MED27: variants seen among roughly 807,000 people sequenced by gnomAD.
MED27 encodes mediator of RNA polymerase II transcription subunit 27.
MED27 carries 30 observed loss-of-function variants against 38.2 expected under a neutral mutation model. The ratio of observed to expected loss-of-function variants is 0.79; its 90% CI spans 0.59 to 1.07. The LOEUF is 1.07. Ranked by LOEUF, MED27 falls within the 50% of genes least tolerant of loss-of-function variation. The pLI is 0.00. For synonymous variants in MED27, 122 were observed against 153.5 expected (o/e 0.79, Z 1.52); for missense variants, 289 against 397.5 (o/e 0.73, Z 2.32).
At chr9:131,893,325 G>A (rs1839259491) in intron 5 of MED27, among the ~76,000 whole-genome samples, 1 of 152,144 alleles carries the variant, frequency 6.6e-6, no homozygotes, top group Non-Finnish European at 1.5e-5. Context: ...GAGCCATATG[G>A]AGACTGTGCA....
chr9:132,028,038 G>C (rs992978263), intron 2 of MED27, among the ~76,000 whole-genome samples: 13 of 152,114 alleles, frequency 8.5e-5, no homozygotes, highest in African/African-American at 3.1e-4. Flanking sequence ...ACACACAGCC[G>C]GACAACCTAC....
intron 2 of MED27, among the ~76,000 whole-genome samples, chr9:132,056,886 CTGACCG>C (rs1281249928): frequency 6.6e-6 from 1 of 152,196 alleles, no homozygotes; most frequent in Non-Finnish European, 1.5e-5. Flanking sequence ...GCTCATATGG[CTGACCG>C]ACGCTGAGGT....
chr9:131,967,837 G>A (rs1228119814), intron 3 of MED27, among the ~76,000 whole-genome samples: 1 of 57,386 alleles, frequency 1.7e-5, no homozygotes, highest in Non-Finnish European at 3.6e-5. Flanking sequence ...TTTTTTTTTT[G>A]AGACGGAGTC....
At chr9:131,996,862 TTTC>T (rs1655667923) in intron 3 of MED27, among the ~76,000 whole-genome samples, 1 of 152,266 alleles carries the variant, frequency 6.6e-6, no homozygotes, top group South Asian at 2.1e-4. Flanking sequence ...TCCTTATGAT[TTTC>T]TTAATGACAT....
At chr9:131,877,987 T>A (rs1489898303) in intron 6 of MED27, among the ~76,000 whole-genome samples, 1 of 151,988 alleles carries the variant, frequency 6.6e-6, no homozygotes, top group Non-Finnish European at 1.5e-5. Flanking sequence ...TTAAAAAGAA[T>A]GAACAGGCCG....
rs779106544 is a variant in MED27 at position 131,872,454 on chromosome 9, C to A, written c.724-9314G>T. ...AGAAGTTGCTTATTTAAAAGAGAAG[C>A]CTGGTAGGGACCCAGACTGTGGCTT... On this transcript the variant is annotated intron_variant, in intron 6 of 7. Coordinates refer to ENST00000292035, the MANE Select transcript of MED27 (RefSeq NM_004269.4). The surrounding 1 kb of genome is among the most constrained non-coding windows in gnomAD (Gnocchi z 5.6). Among the ~76,000 whole-genome samples, 9 of 152,210 alleles carry A rather than the reference C, an allele frequency of 5.9e-5. No homozygotes were observed. The highest frequency in any genetic ancestry group is 2.0e-4 in the Admixed American group (3 of 15,288).
intron 4 of MED27, among the ~76,000 whole-genome samples, chr9:131,905,669 G>T (rs1830041390): frequency 8.6e-6 from 1 of 116,302 alleles, no homozygotes; most frequent in South Asian, 2.9e-4. Flanking sequence ...TTGCTCTCTA[G>T]CTTGGGTGAC....
intron 6 of MED27, among the ~76,000 whole-genome samples, chr9:131,881,800 C>CTTTTTTTTTTCTTTTTTTTTT (rs1839049401): frequency 1.6e-5 from 1 of 60,966 alleles, no homozygotes; most frequent in Non-Finnish European, 3.0e-5. Flanking sequence ...TCTTCTTCTT[C>CTTTTTTTTTTCTTTTTTTTTT]TTTTTTTTTT....
intron 1 of MED27, among the ~76,000 whole-genome samples, chr9:132,077,845 C>A (rs1465136849): frequency 6.6e-6 from 1 of 152,062 alleles, no homozygotes; most frequent in Non-Finnish European, 1.5e-5. Context: ...ATCAATAAGA[C>A]CCCCATAATC....
intron 3 of MED27, among the ~76,000 whole-genome samples, chr9:131,971,650 G>A (rs968392807): frequency 1.3e-5 from 2 of 152,278 alleles, no homozygotes; most frequent in South Asian, 2.1e-4. Context: ...TAGTGGTGAC[G>A]GGGAGAAGAG....
intron 4 of MED27, among the ~76,000 whole-genome samples, chr9:131,897,887 G>C (rs1829861114): frequency 6.6e-6 from 1 of 152,172 alleles, no homozygotes; most frequent in African/African-American, 2.4e-5. Flanking sequence ...CACACAATGT[G>C]ACTGGTTGAC....
intron 4 of MED27, among the ~76,000 whole-genome samples, chr9:131,938,583 A>G (rs1289640108): frequency 6.6e-6 from 1 of 152,244 alleles, no homozygotes; most frequent in African/African-American, 2.4e-5. Flanking sequence ...AACATCTTCT[A>G]GGAGATTATG....
In MED27 at chr9:131,941,542, C is replaced by G. The variant is rs151003951; in HGVS notation, c.480-2068G>C. 5.5e-3 allele frequency among the ~76,000 whole-genome samples: 840 copies of G among 152,100 alleles called. 16 individuals carry two copies. Among genetic ancestry groups the G allele is most frequent in the African/African-American group, 0.019 (776 of 41,496 alleles). On this transcript the variant is annotated intron_variant, in intron 3 of 7. Coordinates refer to ENST00000292035, the MANE Select transcript of MED27 (RefSeq NM_004269.4). ...AAGAAGGAAGGGGAAAAATTAGAGA[C>G]GGCCCAGTGGTAAACAACGACAACA...
chr9:132,073,519 A>G, intron 2 of MED27: 2 of 1,306,412 alleles, frequency 1.5e-6, no homozygotes, highest in Non-Finnish European at 1.9e-6. Flanking sequence ...CAGAGTCCCT[A>G]AAGGAAAGGC....
intron 4 of MED27, among the ~76,000 whole-genome samples, chr9:131,905,701 C>CAAAAAAAAAAAA (rs58848280): frequency 1.6e-5 from 1 of 60,922 alleles, no homozygotes; most frequent in Non-Finnish European, 2.8e-5. Context: ...AAGACCTTGT[C>CAAAAAAAAAAAA]AAAAAAAAAA....
chr9:131,882,380 G>A (rs1181402753), intron 6 of MED27, among the ~76,000 whole-genome samples: 3 of 152,192 alleles, frequency 2.0e-5, no homozygotes, highest in Non-Finnish European at 2.9e-5. Flanking sequence ...ACCAGACAGA[G>A]GTAGTGGATG....
intron 3 of MED27, among the ~76,000 whole-genome samples, chr9:131,956,775 C>G (rs182808048): frequency 7.3e-5 from 11 of 151,156 alleles, no homozygotes; most frequent in African/African-American, 2.7e-4. Context: ...TTGATCACCT[C>G]AATAAATGCA....
intron 6 of MED27, among the ~76,000 whole-genome samples, chr9:131,863,825 G>A (rs1004100435): frequency 6.6e-6 from 1 of 152,154 alleles, no homozygotes; most frequent in Non-Finnish European, 1.5e-5. Context: ...TTAGGGGTCT[G>A]TGCCTATTGT....
chr9:131,900,506 G>C (rs1589195006), intron 4 of MED27, among the ~76,000 whole-genome samples: 1 of 152,338 alleles, frequency 6.6e-6, no homozygotes, highest in Non-Finnish European at 1.5e-5. Flanking sequence ...GAGAAGGTGA[G>C]AGGAGCTGGT....
Sources: gnomAD v4.1 joint callset for allele counts (sites outside exome capture counted in the v4.1 genomes callset) on GRCh38, gnomAD v4.1.1 for gene constraint, Gnocchi (gnomAD v3.1) non-coding constraint, MANE v1.5 for transcripts, NCBI Gene and HGNC (gene_info 2026-07-23, HGNC 2026-07-21) for gene names.